Variants in PTPRQ observed in about 807,000 individuals in gnomAD.
PTPRQ encodes the protein phosphatidylinositol phosphatase PTPRQ.
A neutral mutation model predicts 246.0 loss-of-function variants in PTPRQ; 199 were observed. That is an observed-to-expected ratio of 0.81 (90% CI 0.72 to 0.91). The LOEUF (loss-of-function observed/expected upper bound fraction) is 0.91. Among genes scored for constraint, PTPRQ ranks in the 40% least tolerant of loss-of-function variants. The pLI is 0.00. For synonymous variants in PTPRQ, 869 were observed against 853.2 expected, an observed-to-expected ratio of 1.02 and a Z score of -0.32; for missense variants, 2,624 against 2,528.4, an observed-to-expected ratio of 1.04 and a Z score of -0.81.
intron 17 of PTPRQ, among the ~76,000 whole-genome samples, chr12:80,520,621 T>G (rs1895449338): frequency 6.6e-6 from 1 of 151,726 alleles, no homozygotes; most frequent in South Asian, 2.1e-4. Context: ...TTTGGTTTTT[T>G]GTCCTTGTGA....
chr12:80,590,589 A>T (rs1257464683), intron 26 of PTPRQ, among the ~76,000 whole-genome samples: 1 of 146,428 alleles, frequency 6.8e-6, no homozygotes, highest in Non-Finnish European at 1.5e-5. Context: ...AATGGCATGA[A>T]CCCGGAAGGC....
intron 17 of PTPRQ, chr12:80,512,930 G>A (rs1237041871): frequency 6.6e-6 from 1 of 151,994 alleles, no homozygotes; most frequent in East Asian, 1.9e-4. Flanking sequence ...GTGCGACCGG[G>A]GTGTGTCTCA....
At chr12:80,644,297 C>T (rs1386814871) in intron 35 of PTPRQ, among the ~76,000 whole-genome samples, 2 of 152,060 alleles carry the variant, frequency 1.3e-5, no homozygotes, top group African/African-American at 2.4e-5. Flanking sequence ...AGTTAAGATT[C>T]GTGTAATAAA....
At chr12:80,559,996 A>G (rs1185360538) in intron 25 of PTPRQ, among the ~76,000 whole-genome samples, 7 of 152,218 alleles carry the variant, frequency 4.6e-5, no homozygotes, top group Admixed American at 4.6e-4. Context: ...CATTGCCAAA[A>G]CAAGATTCAA....
At chr12:80,452,269 A>G (rs1377778942) in intron 3 of PTPRQ, among the ~76,000 whole-genome samples, 2 of 149,984 alleles carry the variant, frequency 1.3e-5, no homozygotes, top group African/African-American at 5.0e-5. Flanking sequence ...TCTGCATGTG[A>G]GATGGGTTTC....
intron 25 of PTPRQ, among the ~76,000 whole-genome samples, chr12:80,573,488 T>TAAA (rs879518524): frequency 2.1e-5 from 3 of 144,126 alleles, no homozygotes; most frequent in Non-Finnish European, 4.6e-5. Flanking sequence ...GACTCCGTCT[T>TAAA]AAAAAAAAAA....
At chr12:80,542,965 C>A in intron 23 of PTPRQ, 84 bp downstream of exon 23, 2 of 923,094 alleles carry the variant, frequency 2.2e-6, no homozygotes, top group Non-Finnish European at 1.5e-6. Flanking sequence ...GGAAAATGGA[C>A]TACTAAATTA....
chr12:80,653,872 G>A (rs1265169905), intron 38 of PTPRQ, among the ~76,000 whole-genome samples: 2 of 152,092 alleles, frequency 1.3e-5, no homozygotes, highest in Non-Finnish European at 2.9e-5. Flanking sequence ...TTTCTAAGAA[G>A]TAGAATAGGA....
chr12:80,588,816 T>C (rs919943520), intron 26 of PTPRQ, among the ~76,000 whole-genome samples: 1 of 152,190 alleles, frequency 6.6e-6, no homozygotes, highest in Non-Finnish European at 1.5e-5. Context: ...GTTCTGTTGC[T>C]TTTAAGCCCA....
chr12:80,600,954 A>G (rs928146804), intron 26 of PTPRQ, among the ~76,000 whole-genome samples: 1 of 151,792 alleles, frequency 6.6e-6, no homozygotes, highest in Non-Finnish European at 1.5e-5. Context: ...TTCTTAGGAC[A>G]TACCAGGCGA....
intron 26 of PTPRQ, among the ~76,000 whole-genome samples, chr12:80,603,391 G>T (rs547793869): frequency 2.0e-5 from 3 of 151,700 alleles, no homozygotes; most frequent in East Asian, 3.9e-4. Flanking sequence ...ACTATTTAAA[G>T]AATAAACTCC....
intron 17 of PTPRQ, among the ~76,000 whole-genome samples, chr12:80,524,586 C>G (rs61017660): frequency 0.012 from 1,769 of 152,174 alleles, 43 homozygotes; most frequent in African/African-American, 0.04. Context: ...GTCTGACCTC[C>G]CATCCTGTCA....
At chr12:80,510,850 G>T (rs1321538035) in intron 17 of PTPRQ, among the ~76,000 whole-genome samples, 1 of 151,980 alleles carries the variant, frequency 6.6e-6, no homozygotes, top group African/African-American at 2.4e-5. Flanking sequence ...AAAGAAATCT[G>T]TTATTTAAGG....
intron 17 of PTPRQ, among the ~76,000 whole-genome samples, chr12:80,513,131 C>T (rs1216413896): frequency 1.3e-5 from 2 of 152,084 alleles, no homozygotes; most frequent in African/African-American, 4.8e-5. Context: ...GACCCCCTGC[C>T]TTATCGCAAG....
At chr12:80,534,802 T>C in intron 18 of PTPRQ, 90 bp from the exon 19 acceptor site, 1 of 1,423,456 alleles carries the variant, frequency 7.0e-7, no homozygotes, top group East Asian at 2.6e-5. Flanking sequence ...TTTATCACTT[T>C]AATTTATAAA....
intron 17 of PTPRQ, among the ~76,000 whole-genome samples, chr12:80,532,202 CTTTATTTTATTTTA>C (rs997853317): frequency 8.6e-5 from 13 of 151,920 alleles, no homozygotes; most frequent in African/African-American, 1.2e-4. Flanking sequence ...AATAGCATAG[CTTTATTTTATTTTA>C]TTTATTTTAT....
At chr12:80,602,737 G>C (rs561062567) in intron 26 of PTPRQ, among the ~76,000 whole-genome samples, 3 of 151,824 alleles carry the variant, frequency 2.0e-5, no homozygotes, top group South Asian at 4.1e-4. Context: ...GAGGGGACAT[G>C]TTCAAATGAT....
chr12:80,654,500 C>G (rs914664958), intron 38 of PTPRQ, among the ~76,000 whole-genome samples: 1 of 152,068 alleles, frequency 6.6e-6, no homozygotes, highest in African/African-American at 2.4e-5. Context: ...AAAATAAATA[C>G]TGTAATCTGA....
chr12:80,496,957 T>G (rs1394470505), intron 14 of PTPRQ, among the ~76,000 whole-genome samples: 1 of 151,846 alleles, frequency 6.6e-6, no homozygotes, highest in African/African-American at 2.4e-5. Context: ...AGAAGACTTA[T>G]GGAGGAGACA....
Sources: gnomAD v4.1 joint callset for allele counts (sites outside exome capture counted in the v4.1 genomes callset) on GRCh38, gnomAD v4.1.1 for gene constraint, MANE v1.5 for transcripts, NCBI Gene and HGNC (gene_info 2026-07-23, HGNC 2026-07-21) for gene names.